Variants in SNX27 observed in about 807,000 individuals in gnomAD.
SNX27 encodes sorting nexin-27.
Under a neutral mutation model 71.6 loss-of-function variants are expected in SNX27, and 22 were observed. That is an observed-to-expected ratio of 0.31 (90% confidence interval 0.22 to 0.44). The LOEUF is 0.44. Among genes scored for constraint, SNX27 ranks in the 20% least tolerant of loss-of-function variants. The pLI, the probability that SNX27 is intolerant of heterozygous loss-of-function variation, is 1.00. For synonymous variants in SNX27, 269 were observed against 277.2 expected, an observed-to-expected ratio of 0.97 and a Z score of 0.29; for missense variants, 531 against 698.6, an observed-to-expected ratio of 0.76 and a Z score of 2.70.
rs1265924454 is a variant in SNX27 at position 151,612,976 on chromosome 1, G to A, written c.311+464G>A. Among the ~76,000 whole-genome samples, 1 of 149,052 alleles carries A rather than the reference G, an allele frequency of 6.7e-6. No homozygotes were observed. Among genetic ancestry groups the A allele is most frequent in the African/African-American group, 2.5e-5 (1 of 40,142 alleles). On this transcript the variant is annotated intron_variant, in intron 1 of 11. Transcript: ENST00000458013. This position sits in a 1 kb window ranked among gnomAD's most constrained non-coding sequence, Gnocchi z 5.2. Reference sequence around the variant, plus strand: ...GTTTCGTTCTCCACCACTCCCCTCCGCCCCCGTGGACTGCCCCTTCTGCCC... The same window carrying A: ...GTTTCGTTCTCCACCACTCCCCTCCACCCCCGTGGACTGCCCCTTCTGCCC...
At chr1:151,671,038 G>A (rs1247901975) in intron 7 of SNX27, among the ~76,000 whole-genome samples, 1 of 152,072 alleles carries the variant, frequency 6.6e-6, no homozygotes, top group African/African-American at 2.4e-5. Flanking sequence ...TTATTGAAGA[G>A]ACTGTCTTTT....
chr1:151,615,656 G>A (rs1389706221), intron 1 of SNX27: 4 of 979,902 alleles, frequency 4.1e-6, no homozygotes, highest in African/African-American at 3.5e-5. Context: ...TCATTGTGTG[G>A]ATATAGTTTG....
At chr1:151,614,073 C>CAT (rs1667318731) in intron 1 of SNX27, 1 of 151,928 alleles carries the variant, frequency 6.6e-6, no homozygotes, top group Non-Finnish European at 1.5e-5. Context: ...CTCGTGCCAT[C>CAT]TACCCTTATC....
rs1667898943 is a variant in SNX27 at position 151,625,755 on chromosome 1, A to G, written c.312-13133A>G. On this transcript the variant is annotated intron_variant, in intron 1 of 11. Coordinates refer to ENST00000458013, the MANE Select transcript of SNX27 (RefSeq NM_001330723.2). ...ATTCGAGACCACACCAGTGCACTCT[A>G]TCCTGGCAACAGAGCAAGACTCTGT... Among the ~76,000 whole-genome samples, 4 of 146,432 alleles carry G rather than the reference A, an allele frequency of 2.7e-5. No homozygotes were observed. The Admixed American group carries it at 2.8e-4, about 10-fold the overall frequency.
chr1:151,656,750 G>A (rs773088605), intron 2 of SNX27, among the ~76,000 whole-genome samples: 13 of 152,104 alleles, frequency 8.5e-5, no homozygotes, highest in Admixed American at 3.3e-4. Flanking sequence ...AAAAACAAAC[G>A]AGCAACTATG....
At chr1:151,653,978 G>A (rs1049874160) in intron 2 of SNX27, among the ~76,000 whole-genome samples, 2 of 151,936 alleles carry the variant, frequency 1.3e-5, no homozygotes, top group Non-Finnish European at 2.9e-5. Flanking sequence ...GACTACAGGC[G>A]CACACCACCA....
chr1:151,644,843 G>T (rs1380316754), intron 2 of SNX27, among the ~76,000 whole-genome samples: 2 of 152,072 alleles, frequency 1.3e-5, no homozygotes, highest in Non-Finnish European at 2.9e-5. Context: ...GTGTCAGCTA[G>T]GCTGGAGTGC....
rs996106439 is a variant in SNX27, at chr1:151,612,191, C to A, written c.-11C>A. 3.4e-5 allele frequency: 46 copies of A among 1,337,882 alleles called. No homozygotes were observed. Among genetic ancestry groups the A allele is most frequent in the Non-Finnish European group, 4.4e-5 (46 of 1,042,568 alleles). The allele number at this position is 1,337,882 out of a possible 1,614,324, so 82.9% of individuals were successfully genotyped here. On this transcript the variant is annotated 5_prime_UTR_variant, in exon 1 of 12. In the 5' UTR this introduces an upstream ATG that the reference lacks. Transcript: ENST00000458013. The surrounding 1 kb of genome is among the most constrained non-coding windows in gnomAD (Gnocchi z 5.2). The stretch of plus-strand genomic sequence containing the variant: ...CGTAGGGGGCGGGGGTACGGCTCGC[C>A]TGCTCGCAAGATGGCGGACGAGGAC...
At chr1:151,634,850 G>T (rs1668399909) in intron 1 of SNX27, among the ~76,000 whole-genome samples, 2 of 152,086 alleles carry the variant, frequency 1.3e-5, no homozygotes, top group South Asian at 4.1e-4. Flanking sequence ...ACATTTTGTT[G>T]TATTTGCTTA....
At position 151,658,374 on chromosome 1, in the gene SNX27, C is replaced by T; in HGVS notation, c.683C>T (p.Ser228Leu). The stretch of plus-strand genomic sequence containing the variant: ...CCAGGGAAGTGGCCATTTTCATTAT[C>T]AGAACAACAATTAGATGCCCGACGT... ...RLPGKWPFSL[S>L]EQQLDARRRG... The change falls in exon 3 of 12, where the codon TCA (serine) becomes TTA (leucine). Residue 228 changes from serine (S) to leucine (L), a missense_variant. Ser to Leu is a moderately radical substitution (Grantham distance 145). This residue lies in a region of SNX27 where 184 missense variants were observed against 289.6 expected (regional missense o/e 0.64). Coordinates refer to ENST00000458013, the MANE Select transcript of SNX27 (RefSeq NM_001330723.2). 1 of 1,614,054 alleles carries T rather than the reference C, an allele frequency of 6.2e-7. No homozygotes were observed. The highest frequency in any genetic ancestry group is 8.5e-7 in the Non-Finnish European group (1 of 1,179,998).
At chr1:151,627,157 GT>G (rs1264125481) in intron 1 of SNX27, among the ~76,000 whole-genome samples, 2 of 152,136 alleles carry the variant, frequency 1.3e-5, no homozygotes, top group Non-Finnish European at 2.9e-5. Flanking sequence ...TTAAACATGA[GT>G]TCTGATTCTT....
In SNX27 at chr1:151,648,700, T is replaced by C. The variant is rs376388837; in HGVS notation, c.544-9535T>C. ...TCCCAAAGTGCTGGGATTACAGGCG[T>C]GAGCCACCATGCCCAGCCCATATTT... On this transcript the variant is annotated intron_variant, in intron 2 of 11. Transcript: ENST00000458013. Among the ~76,000 whole-genome samples the C allele has an allele frequency of 1.1e-4, 16 of 152,016 alleles. No homozygotes were observed. In the East Asian group the frequency reaches 2.0e-3, roughly 19 times the overall value.
intron 1 of SNX27, among the ~76,000 whole-genome samples, chr1:151,615,058 C>T (rs369725356): frequency 6.6e-6 from 1 of 152,198 alleles, no homozygotes; most frequent in Non-Finnish European, 1.5e-5. Context: ...GCTGGGAAAT[C>T]TTTGCCTTCT....
chr1:151,631,457 C>T (rs1668228966), intron 1 of SNX27, among the ~76,000 whole-genome samples: 11 of 152,076 alleles, frequency 7.2e-5, no homozygotes, highest in Admixed American at 7.2e-4. Flanking sequence ...ACATAATGTG[C>T]CTTATGGGCT....
intron 1 of SNX27, among the ~76,000 whole-genome samples, chr1:151,623,876 A>G (rs1313783921): frequency 6.6e-6 from 1 of 152,234 alleles, no homozygotes; most frequent in Non-Finnish European, 1.5e-5. Flanking sequence ...TTTTTGGAGC[A>G]TCAGAACTTA....
chr1:151,646,383 A>G (rs983885100), intron 2 of SNX27, among the ~76,000 whole-genome samples: 3 of 151,808 alleles, frequency 2.0e-5, no homozygotes, highest in Middle Eastern at 6.8e-3. Flanking sequence ...TAAATCTACT[A>G]TCTTGTTCTT....
At chr1:151,623,886 ACTTT>A (rs1398236484) in intron 1 of SNX27, among the ~76,000 whole-genome samples, 3 of 152,214 alleles carry the variant, frequency 2.0e-5, no homozygotes, top group African/African-American at 7.2e-5. Flanking sequence ...ATCAGAACTT[ACTTT>A]AAGACCTCAC....
At chr1:151,681,235 C>CTTTTTTATTTTTTTTTTTT (rs1670932184) in intron 7 of SNX27, among the ~76,000 whole-genome samples, 1 of 60,700 alleles carries the variant, frequency 1.6e-5, no homozygotes, top group Non-Finnish European at 3.2e-5. Flanking sequence ...GTCTCTCAAT[C>CTTTTTTATTTTTTTTTTTT]TTTTTTTTTT....
chr1:151,638,947 G>C lies in SNX27; in HGVS notation c.371G>C (p.Gly124Ala). The change falls in exon 2 of 12, where the codon GGC becomes GCC. Residue 124 changes from glycine to alanine, a missense_variant. By Grantham distance (60) the Gly-to-Ala change is moderately conservative. Around this residue, in one of 5 missense-constraint regions of SNX27, gnomAD observed 47 missense variants for 41.4 expected, o/e 1.13. Coordinates refer to ENST00000458013, the MANE Select transcript of SNX27 (RefSeq NM_001330723.2). ...HKQVVDLIRA[G>A]EKELILTVLS... ...CAGGTGGTGGACCTGATTCGAGCAG[G>C]CGAGAAGGAATTGATCTTGACAGTG... is the stretch of plus-strand genomic sequence containing the variant. 1 of 1,614,108 alleles carries C rather than the reference G, an allele frequency of 6.2e-7. No homozygotes were observed. The highest frequency in any genetic ancestry group is 8.5e-7 in the Non-Finnish European group (1 of 1,180,028).
Sources: allele counts gnomAD v4.1 joint callset (sites outside exome capture counted in the v4.1 genomes callset), GRCh38; gene constraint gnomAD v4.1.1; regional missense constraint gnomAD v4.1.1; non-coding constraint Gnocchi (gnomAD v3.1); transcripts MANE v1.5; gene names NCBI Gene and HGNC (gene_info 2026-07-23, HGNC 2026-07-21).